The following ZNF469 variants were observed in gnomAD, a reference collection of about 807,000 sequenced individuals.
ZNF469 encodes the protein zinc finger protein 469.
A neutral mutation model predicts 1.0 loss-of-function variants in ZNF469; 1 was observed. That is an observed-to-expected ratio of 1.00 (90% CI 0.35 to 4.73). The LOEUF is 4.73. Among genes scored for constraint, ZNF469 ranks in the 30% most tolerant of loss-of-function variants. The pLI is 0.16. For missense variants in ZNF469, 6,100 were observed against 5,356.3 expected (o/e 1.14, Z -4.33); for synonymous variants, 2,703 against 2,363.4 (o/e 1.14, Z -4.17).
At chr16:88,109,798 C>G in the ZNF469 span, among the ~76,000 whole-genome samples, 1 of 152,066 alleles carries the variant, frequency 6.6e-6, no homozygotes, top group African/African-American at 2.4e-5. Flanking sequence ...TGTGTCCACG[C>G]TGTCTCTTCT....
the ZNF469 span, among the ~76,000 whole-genome samples, chr16:88,212,843 C>G: frequency 6.6e-6 from 1 of 152,178 alleles, no homozygotes; most frequent in Admixed American, 6.5e-5. Flanking sequence ...ATTGGCCTCA[C>G]AAAGTGCTGG....
the ZNF469 span, among the ~76,000 whole-genome samples, chr16:88,154,965 C>T: frequency 1.1e-4 from 16 of 152,208 alleles, no homozygotes; most frequent in African/African-American, 3.9e-4. Context: ...CAGGGTTCAA[C>T]CCGTGCTTTA....
At chr16:88,129,972 C>T in the ZNF469 span, among the ~76,000 whole-genome samples, 3 of 152,224 alleles carry the variant, frequency 2.0e-5, no homozygotes, top group Non-Finnish European at 2.9e-5. Flanking sequence ...GTTTCAGACT[C>T]AGCTTTTCTT....
the ZNF469 span, among the ~76,000 whole-genome samples, chr16:88,343,613 C>A: frequency 6.6e-6 from 1 of 152,076 alleles, no homozygotes; most frequent in Non-Finnish European, 1.5e-5. Context: ...GGCCTTCTTG[C>A]TGGTGGGGAC....
chr16:88,241,289 G>T, the ZNF469 span, among the ~76,000 whole-genome samples: 1,505 of 152,040 alleles, frequency 9.9e-3, 35 homozygotes, highest in East Asian at 0.085. This position sits in a 1 kb window ranked among gnomAD's most constrained non-coding sequence, Gnocchi z 4.8. Context: ...AACTCGGGAG[G>T]TGGAGGTTGC....
the ZNF469 span, among the ~76,000 whole-genome samples, chr16:88,301,304 G>T: frequency 3.9e-5 from 6 of 151,960 alleles, no homozygotes; most frequent in Non-Finnish European, 7.4e-5. Flanking sequence ...ACAGGTGCCC[G>T]CTACCACGCC....
chr16:88,428,567 G>C lies in ZNF469; in HGVS notation c.1097G>C (p.Arg366Thr). ...CCTGGAGCTGCTCACTCGGCCCCGA[G>C]ACCCTTCTCTGACAGTTTACACAAG... ...SSPGAAHSAP[R>T]PFSDSLHKSL... Residue 366 changes from arginine to threonine, a missense_variant, in exon 3 of 3, where the codon AGA becomes ACA. Physicochemically the swap from Arg to Thr is moderately conservative, Grantham distance 71 (BLOSUM62 -1). Coordinates refer to ENST00000565624, the MANE Select transcript of ZNF469 (RefSeq NM_001367624.2). 2.6e-6 allele frequency: 4 copies of C among 1,550,180 alleles called. No homozygotes were observed. The highest frequency in any genetic ancestry group is 3.5e-6 in the Non-Finnish European group (4 of 1,146,870).
chr16:88,379,484 G>A (rs2092515907), upstream of ZNF469, among the ~76,000 whole-genome samples: 1 of 152,154 alleles, frequency 6.6e-6, no homozygotes, highest in Non-Finnish European at 1.5e-5. Context: ...GGGCTATGAA[G>A]AGGGGGAAGA....
chr16:88,200,761 G>T, the ZNF469 span, among the ~76,000 whole-genome samples: 1 of 152,244 alleles, frequency 6.6e-6, no homozygotes, highest in East Asian at 1.9e-4. Flanking sequence ...CAATAAACAA[G>T]ATGTGTTTCC....
At chr16:88,253,961 C>CT in the ZNF469 span, among the ~76,000 whole-genome samples, 13 of 150,444 alleles carry the variant, frequency 8.6e-5, no homozygotes, top group East Asian at 3.9e-4. Context: ...TAGTCTGTAG[C>CT]TTTTTTTTTT....
chr16:88,357,973 G>A, the ZNF469 span, among the ~76,000 whole-genome samples: 1,052 of 152,332 alleles, frequency 6.9e-3, 11 homozygotes, highest in African/African-American at 0.02. Flanking sequence ...CATTTGGCCC[G>A]AAATGTCCAC....
chr16:88,183,340 C>T, the ZNF469 span, among the ~76,000 whole-genome samples: 1 of 152,218 alleles, frequency 6.6e-6, no homozygotes. Context: ...CCCCACCAAA[C>T]CTGCACGCAA....
upstream of ZNF469, among the ~76,000 whole-genome samples, chr16:88,381,009 C>CAT (rs2092521914): frequency 4.1e-5 from 6 of 147,124 alleles, no homozygotes; most frequent in African/African-American, 2.5e-5. Context: ...CACTCACACA[C>CAT]ATGCGCTCAC....
the ZNF469 span, among the ~76,000 whole-genome samples, chr16:88,294,095 G>A: frequency 4.0e-3 from 613 of 152,316 alleles, 9 homozygotes; most frequent in Admixed American, 0.034. Flanking sequence ...GGATGTGAGG[G>A]TTATCTTCCT....
the ZNF469 span, among the ~76,000 whole-genome samples, chr16:88,357,790 C>T: frequency 6.6e-6 from 1 of 152,392 alleles, no homozygotes; most frequent in South Asian, 2.1e-4. Context: ...GCAGCATGCG[C>T]TCACTGCCTC....
the ZNF469 span, among the ~76,000 whole-genome samples, chr16:88,190,962 A>G: frequency 6.6e-6 from 1 of 151,980 alleles, no homozygotes; most frequent in African/African-American, 2.4e-5. Context: ...ACTGGGAGAG[A>G]CTAGATGTGT....
intron 1 of ZNF469, among the ~76,000 whole-genome samples, chr16:88,402,051 CATGG>C (rs1299299888): frequency 1.0e-4 from 13 of 125,022 alleles, no homozygotes; most frequent in South Asian, 5.1e-4. Flanking sequence ...TGGGTGAGTG[CATGG>C]ATGGATGGAT....
Position 88,431,121 on chromosome 16 carries a change from G to C in ZNF469, c.3651G>C (p.Pro1217=). 2 of 1,550,144 alleles carry C rather than the reference G, an allele frequency of 1.3e-6. No individual in the cohort carries two copies. Among genetic ancestry groups the C allele is most frequent in the East Asian group, 4.9e-5 (2 of 40,890 alleles). ...CCGAGACCTCAGAGGAAACCCGCCC[G>C]TCGCTGGACTTTCCCCAGGAGGCCA... ...TNTETSEETR[P]SLDFPQEAKE... Residue 1217 remains proline, a synonymous_variant, in exon 3 of 3, where the codon CCG becomes CCC. Transcript: ENST00000565624.
chr16:88,333,855 G>T, the ZNF469 span, among the ~76,000 whole-genome samples: 1 of 103,676 alleles, frequency 9.6e-6, no homozygotes, highest in Non-Finnish European at 2.6e-5. Flanking sequence ...GGACGTGGGG[G>T]CAGTTGCAGT....
Sources: gnomAD v4.1 joint callset for allele counts (sites outside exome capture counted in the v4.1 genomes callset) on GRCh38, gnomAD v4.1.1 for gene constraint, Gnocchi (gnomAD v3.1) non-coding constraint, MANE v1.5 for transcripts, NCBI Gene and HGNC (gene_info 2026-07-23, HGNC 2026-07-21) for gene names.